Variants in EBF2 observed in about 807,000 individuals in gnomAD.
EBF2 encodes the protein transcription factor COE2.
Under a neutral mutation model 72.8 loss-of-function variants are expected in EBF2, and 21 were observed. That is an observed-to-expected ratio of 0.29 (90% CI 0.20 to 0.42). EBF2 has a LOEUF of 0.42. Among genes scored for constraint, EBF2 ranks in the 10% least tolerant of loss-of-function variants. The pLI is 1.00. For synonymous variants in EBF2, 299 were observed against 274.2 expected (o/e 1.09, Z -0.89); for missense variants, 637 against 731.2 (o/e 0.87, Z 1.49).
At chr8:25,889,983 G>A (rs777333034) in intron 7 of EBF2, 114 bp from the exon 8 acceptor site, 1 of 838,666 alleles carries the variant, frequency 1.2e-6, no homozygotes, top group South Asian at 1.4e-5. Flanking sequence ...AAGGGGAGAT[G>A]GGACAGAACT....
rs1427398862 is a variant in EBF2 at position 26,010,277 on chromosome 8, G to C, written c.551+22808C>G. Among the ~76,000 whole-genome samples, 4 of 152,180 alleles carry C rather than the reference G, an allele frequency of 2.6e-5. No homozygotes were observed. In the East Asian group the frequency reaches 7.7e-4, roughly 29 times the overall value. On this transcript the variant is annotated intron_variant, in intron 6 of 15. Coordinates refer to ENST00000520164, the MANE Select transcript of EBF2 (RefSeq NM_022659.4). ...GTTATTGGTCTAATGAACTAACTCT[G>C]AAATCTGAGCTAAAGACAGCTCCCT... is the stretch of plus-strand genomic sequence containing the variant.
chr8:26,033,279 T>G, intron 5 of EBF2, 126 bp from the exon 6 acceptor site: 1 of 841,932 alleles, frequency 1.2e-6, no homozygotes, highest in South Asian at 1.5e-5. Flanking sequence ...TGTAGTACAA[T>G]GGCTTGATGC....
intron 6 of EBF2, among the ~76,000 whole-genome samples, chr8:25,914,903 T>C (rs1803185921): frequency 6.6e-6 from 1 of 152,184 alleles, no homozygotes; most frequent in Non-Finnish European, 1.5e-5. Context: ...CCCAGATTAT[T>C]TCAATAAAAG....
Position 25,937,111 on chromosome 8 carries a change from A to AGAT in EBF2, c.552-28559_552-28557dup, listed in dbSNP as rs144182301. Among the ~76,000 whole-genome samples the AGAT allele has an allele frequency of 6.6e-3, 1,008 of 152,362 alleles. 9 individuals are homozygous for AGAT. The highest frequency in any genetic ancestry group is 0.023 in the African/African-American group (946 of 41,584). The stretch of plus-strand genomic sequence containing the variant: ...ACACATTCTGATCGATTGATTAATG[A>AGAT]GATGTCAGAAGGTATAAGAATCCAC... On this transcript the variant is annotated intron_variant, in intron 6 of 15. Transcript: ENST00000520164.
intron 10 of EBF2, among the ~76,000 whole-genome samples, chr8:25,881,936 T>C (rs1167797191): frequency 6.6e-6 from 1 of 152,170 alleles, no homozygotes; most frequent in Non-Finnish European, 1.5e-5. Flanking sequence ...ACCATCTCCC[T>C]TCTGGCTCCC....
At chr8:26,022,184 G>A (rs997964113) in intron 6 of EBF2, among the ~76,000 whole-genome samples, 6 of 152,102 alleles carry the variant, frequency 3.9e-5, no homozygotes, top group African/African-American at 1.4e-4. Context: ...AGACCACCTC[G>A]ATTTTGTTCT....
intron 6 of EBF2, among the ~76,000 whole-genome samples, chr8:25,940,001 A>G (rs1487338167): frequency 1.3e-5 from 2 of 152,244 alleles, no homozygotes; most frequent in Non-Finnish European, 2.9e-5. Flanking sequence ...GAATTTTTGC[A>G]TGACTTAGTA....
chr8:25,861,296 G>A lies in EBF2; in HGVS notation c.1164+13C>T, dbSNP rs770956435. 6.2e-7 allele frequency: 1 copy of A among 1,614,064 alleles called. No homozygotes were observed. The highest frequency in any genetic ancestry group is 1.7e-5 in the Admixed American group (1 of 60,000). On this transcript the variant is annotated intron_variant, in intron 12 of 15. Transcript: ENST00000520164. ...TGCAAAACTCAATAAAGGATAGGAT[G>A]TCAGTATCTCACCTGGTTATTGTGT...
In EBF2 at chr8:25,938,775, A is replaced by G. The variant is rs116616962; in HGVS notation, c.552-30220T>C. On this transcript the variant is annotated intron_variant, in intron 6 of 15. Transcript: ENST00000520164. ...TGGCTCTGCTGAATGGTGGGTCACA[A>G]GTCCCTGTGATGTGGGGGGCCTCAA... 3.1e-3 allele frequency among the ~76,000 whole-genome samples: 465 copies of G among 152,274 alleles called. 1 individual carries two copies. The highest frequency in any genetic ancestry group is 0.011 in the African/African-American group (443 of 41,538).
At chr8:25,882,900 G>A (rs1428942829) in intron 10 of EBF2, among the ~76,000 whole-genome samples, 3 of 152,214 alleles carry the variant, frequency 2.0e-5, no homozygotes, top group Non-Finnish European at 2.9e-5. Context: ...AAATACACAC[G>A]TCATGCAAAA....
chr8:25,975,969 C>G (rs899517308), intron 6 of EBF2, among the ~76,000 whole-genome samples: 1 of 152,154 alleles, frequency 6.6e-6, no homozygotes, highest in Non-Finnish European at 1.5e-5. Context: ...ATGCTGCAAT[C>G]TTAATCTTTA....
At chr8:25,922,087 G>A (rs758565391) in intron 6 of EBF2, among the ~76,000 whole-genome samples, 3 of 152,088 alleles carry the variant, frequency 2.0e-5, no homozygotes, top group Non-Finnish European at 2.9e-5. Context: ...TCAAAGAAAG[G>A]CTCAATGTAA....
chr8:25,892,669 T>G (rs905026890), intron 7 of EBF2, among the ~76,000 whole-genome samples: 2 of 152,160 alleles, frequency 1.3e-5, no homozygotes, highest in Non-Finnish European at 2.9e-5. Context: ...AGTCCACAAA[T>G]CATCTCATAT....
chr8:26,012,010 G>A (rs1221656322), intron 6 of EBF2, among the ~76,000 whole-genome samples: 1 of 152,080 alleles, frequency 6.6e-6, no homozygotes, highest in Non-Finnish European at 1.5e-5. Flanking sequence ...GAAAACTGAA[G>A]CAGGGAGAGA....
intron 6 of EBF2, among the ~76,000 whole-genome samples, chr8:25,935,573 T>A (rs1803565478): frequency 6.6e-6 from 1 of 152,212 alleles, no homozygotes; most frequent in African/African-American, 2.4e-5. Flanking sequence ...ACCCTTTGTC[T>A]GGGCACATTG....
chr8:26,024,557 A>G (rs1277315326), intron 6 of EBF2, among the ~76,000 whole-genome samples: 2 of 152,174 alleles, frequency 1.3e-5, no homozygotes, highest in African/African-American at 2.4e-5. Context: ...CCTATCTGCC[A>G]CTGGACATAA....
chr8:25,983,344 G>A (rs1804394293), intron 6 of EBF2, among the ~76,000 whole-genome samples: 1 of 152,108 alleles, frequency 6.6e-6, no homozygotes. Context: ...AGACGGAAGG[G>A]GACACACAAA....
intron 7 of EBF2, 119 bp from the exon 8 acceptor site, chr8:25,889,988 A>G (rs1802751904): frequency 5.0e-6 from 4 of 797,890 alleles, no homozygotes; most frequent in Admixed American, 3.9e-5. Context: ...GAGATGGGAC[A>G]GAACTTGGGA....
intron 6 of EBF2, among the ~76,000 whole-genome samples, chr8:25,909,908 C>T (rs1246637879): frequency 6.6e-6 from 1 of 152,084 alleles, no homozygotes; most frequent in Non-Finnish European, 1.5e-5. Context: ...AAAGCAACAG[C>T]TAAATATTTT....
Sources: allele counts gnomAD v4.1 joint callset (sites outside exome capture counted in the v4.1 genomes callset), GRCh38; gene constraint gnomAD v4.1.1; transcripts MANE v1.5; gene names NCBI Gene and HGNC (gene_info 2026-07-23, HGNC 2026-07-21).